Variants in SGIP1 observed in about 807,000 individuals in gnomAD.
The protein encoded by SGIP1 is SH3GL interacting endocytic adaptor 1.
In SGIP1, 38 loss-of-function variants were observed where a neutral mutation model predicts 107.5. The observed-to-expected ratio is 0.35, with a 90% confidence interval of 0.27 to 0.46. The LOEUF (loss-of-function observed/expected upper bound fraction) is 0.46. SGIP1 is among the 20% of genes least tolerant of loss of function. The probability of loss-of-function intolerance (pLI) is 1.00; values close to 1 mark genes in which losing one functional copy is unlikely to be tolerated. For synonymous variants in SGIP1, 365 were observed against 366.1 expected (o/e 1.00, Z 0.03); for missense variants, 929 against 1,019.5 (o/e 0.91, Z 1.21).
In SGIP1 at chr1:66,749,824, A is replaced by G. The variant is rs1231250227; in HGVS notation, c.*6729A>G. Among the ~76,000 whole-genome samples, 1 of 152,136 alleles carries G rather than the reference A, an allele frequency of 6.6e-6. No homozygotes were observed. Among genetic ancestry groups the G allele is most frequent in the African/African-American group, 2.4e-5 (1 of 41,432 alleles). On this transcript the variant is annotated 3_prime_UTR_variant, in exon 25 of 25. Transcript: ENST00000371037. Reference sequence around the variant, plus strand: ...TCTAAGGTATTTTAAATCATACAACAAGTAACTATCACAAGAACCACTGTC... The same window carrying G: ...TCTAAGGTATTTTAAATCATACAACGAGTAACTATCACAAGAACCACTGTC...
intron 1 of SGIP1, among the ~76,000 whole-genome samples, chr1:66,568,647 T>C (rs763888313): frequency 7.2e-5 from 11 of 152,030 alleles, no homozygotes; most frequent in Non-Finnish European, 1.5e-4. Context: ...TAAATAGCTC[T>C]TATTATTTTG....
intron 3 of SGIP1, among the ~76,000 whole-genome samples, chr1:66,633,805 G>GA (rs11420348): frequency 0.51 from 76,547 of 150,956 alleles, 20,047 homozygotes; most frequent in African/African-American, 0.65. Flanking sequence ...AGCTGTTACT[G>GA]AAAAAAAAAT....
At chr1:66,664,980 G>A (rs1203538992) in intron 8 of SGIP1, among the ~76,000 whole-genome samples, 2 of 152,026 alleles carry the variant, frequency 1.3e-5, no homozygotes, top group Non-Finnish European at 1.5e-5. Flanking sequence ...TGTTGTTGTT[G>A]TTGTTTATCA....
At chr1:66,742,362 G>T (rs984677845) in intron 24 of SGIP1, among the ~76,000 whole-genome samples, 2 of 148,036 alleles carry the variant, frequency 1.4e-5, no homozygotes, top group African/African-American at 2.5e-5. Context: ...ATAAATCCTG[G>T]TTTTTTTATG....
At chr1:66,607,661 C>T (rs568883334) in intron 1 of SGIP1, among the ~76,000 whole-genome samples, 1 of 152,270 alleles carries the variant, frequency 6.6e-6, no homozygotes, top group African/African-American at 2.4e-5. Flanking sequence ...GCCCCACCCC[C>T]CTACACCATC....
intron 15 of SGIP1, among the ~76,000 whole-genome samples, chr1:66,683,115 G>A (rs868776653): frequency 6.6e-6 from 1 of 152,134 alleles, no homozygotes; most frequent in Middle Eastern, 3.4e-3. Context: ...CTTATTTGAA[G>A]CTTCATTTTG....
chr1:66,609,311 A>G (rs1372885273), intron 1 of SGIP1, among the ~76,000 whole-genome samples: 2 of 152,212 alleles, frequency 1.3e-5, no homozygotes, highest in African/African-American at 2.4e-5. Flanking sequence ...AACTTCCGGC[A>G]GGTATAGTGG....
At chr1:66,675,534 T>C (rs2085011277) in intron 12 of SGIP1, among the ~76,000 whole-genome samples, 1 of 81,414 alleles carries the variant, frequency 1.2e-5, no homozygotes, top group South Asian at 8.7e-4. Flanking sequence ...TCTTTTTCTT[T>C]TTCTTTCTTT....
chr1:66,597,599 T>C (rs1042136370), intron 1 of SGIP1, among the ~76,000 whole-genome samples: 5 of 152,184 alleles, frequency 3.3e-5, no homozygotes, highest in Non-Finnish European at 5.9e-5. Context: ...AGATTGATCA[T>C]TGCACAGAAT....
chr1:66,618,893 T>C (rs913136992), intron 1 of SGIP1, among the ~76,000 whole-genome samples: 6 of 152,298 alleles, frequency 3.9e-5, no homozygotes, highest in Middle Eastern at 3.4e-3. Context: ...TGGAAGGCAG[T>C]CAAATTGGGT....
intron 1 of SGIP1, among the ~76,000 whole-genome samples, chr1:66,568,200 TCCC>T (rs1204071307): frequency 4.6e-5 from 7 of 152,150 alleles, no homozygotes; most frequent in African/African-American, 1.7e-4. Context: ...TTTGTAGTTC[TCCC>T]TGAAGAGGTC....
intron 1 of SGIP1, among the ~76,000 whole-genome samples, chr1:66,560,666 C>T (rs115502633): frequency 0.011 from 1,600 of 152,114 alleles, 17 homozygotes; most frequent in Middle Eastern, 0.027. Context: ...TTGAGTGTAA[C>T]TTTTTCCTCA....
In SGIP1 at chr1:66,577,756, CTGTGTGTGTGTGTG is replaced by C. The variant is rs6143251; in HGVS notation, c.10+43420_10+43433del. On this transcript the variant is annotated intron_variant, in intron 1 of 24. Coordinates refer to ENST00000371037, the MANE Select transcript of SGIP1 (RefSeq NM_032291.4). ...TTAGAAGAGTGATACTAATGCAGTC[CTGTGTGTGTGTGTG>C]TGTGTGTGTGTGTGTGTGTGTGTGT... Among the ~76,000 whole-genome samples, 557 of 145,070 alleles carry C rather than the reference CTGTGTGTGTGTGTG, an allele frequency of 3.8e-3. 6 individuals are homozygous for C. The highest frequency in any genetic ancestry group is 0.013 in the African/African-American group (522 of 39,674).
At chr1:66,628,015 G>A (rs915216023) in intron 2 of SGIP1, among the ~76,000 whole-genome samples, 5 of 150,668 alleles carry the variant, frequency 3.3e-5, no homozygotes, top group Non-Finnish European at 5.9e-5. Context: ...TTTTGTCCTC[G>A]CGATAGTTTG....
intron 11 of SGIP1, 37 bp downstream of exon 11, chr1:66,672,032 G>T (rs767175643): frequency 9.4e-6 from 15 of 1,600,538 alleles, no homozygotes; most frequent in Non-Finnish European, 8.6e-7. Context: ...TTTATGCAAG[G>T]CATCATGAAC....
intron 1 of SGIP1, among the ~76,000 whole-genome samples, chr1:66,555,451 G>A (rs1316963009): frequency 1.3e-5 from 2 of 152,078 alleles, no homozygotes; most frequent in Non-Finnish European, 2.9e-5. Context: ...CCCAAGTACA[G>A]AAAAGAGCCC....
At chr1:66,708,274 G>GC (rs1475207614) in intron 18 of SGIP1, among the ~76,000 whole-genome samples, 2 of 152,164 alleles carry the variant, frequency 1.3e-5, no homozygotes, top group Non-Finnish European at 2.9e-5. Flanking sequence ...TAGCACAGCG[G>GC]CCATCGTATA....
At chr1:66,562,382 A>G (rs1209363650) in intron 1 of SGIP1, among the ~76,000 whole-genome samples, 1 of 152,034 alleles carries the variant, frequency 6.6e-6, no homozygotes, top group Non-Finnish European at 1.5e-5. Flanking sequence ...AAAGGGGGGA[A>G]ATTCTCTATC....
chr1:66,560,439 T>C (rs1469214881), intron 1 of SGIP1, among the ~76,000 whole-genome samples: 1 of 152,046 alleles, frequency 6.6e-6, no homozygotes, highest in Non-Finnish European at 1.5e-5. Context: ...ATCTCATGAT[T>C]GATTTTTGCC....
Sources: gnomAD v4.1 joint callset for allele counts (sites outside exome capture counted in the v4.1 genomes callset) on GRCh38, gnomAD v4.1.1 for gene constraint, MANE v1.5 for transcripts, NCBI Gene and HGNC (gene_info 2026-07-23, HGNC 2026-07-21) for gene names.